The following PJA2 variants were observed in gnomAD, a reference collection of about 807,000 sequenced individuals.
The protein encoded by PJA2 is praja ring finger ubiquitin ligase 2, also known as E3 ubiquitin-protein ligase Praja-2.
PJA2 carries 25 observed loss-of-function variants against 69.3 expected under a neutral mutation model. That is an observed-to-expected ratio of 0.36 (90% CI 0.26 to 0.50). The LOEUF (loss-of-function observed/expected upper bound fraction) is 0.50. PJA2 is among the 20% of genes least tolerant of loss of function. The pLI is 0.96. For synonymous variants in PJA2, 308 were observed against 277.8 expected, an observed-to-expected ratio of 1.11 and a Z score of -1.08; for missense variants, 809 against 830.2, an observed-to-expected ratio of 0.97 and a Z score of 0.31.
At chr5:109,392,117 T>C (rs781414645) in intron 1 of PJA2, among the ~76,000 whole-genome samples, 1 of 151,730 alleles carries the variant, frequency 6.6e-6, no homozygotes, top group South Asian at 2.1e-4. Context: ...TAAATAGGAG[T>C]GTAAATGGCC....
chr5:109,359,342 CT>C (rs2126997063), intron 6 of PJA2, among the ~76,000 whole-genome samples: 1 of 152,274 alleles, frequency 6.6e-6, no homozygotes, highest in East Asian at 1.9e-4. Context: ...AAAAGTTACG[CT>C]TGGATTTTCT....
In PJA2 at chr5:109,375,450, G is replaced by T. The variant is rs548526738; in HGVS notation, c.1283+2754C>A. Among the ~76,000 whole-genome samples, 6 of 152,200 alleles carry T rather than the reference G, an allele frequency of 3.9e-5. 1 individual carries two copies. Among genetic ancestry groups the T allele is most frequent in the Middle Eastern group, 3.4e-3 (1 of 294 alleles). ...TTGAACCTAGGAGGCAGAGGTTGCA[G>T]CGAGCCGAGATCACGCCACTGCACT... On this transcript the variant is annotated intron_variant, in intron 4 of 9. Transcript: ENST00000361189.
At chr5:109,385,978 T>A (rs1156460290) in intron 1 of PJA2, among the ~76,000 whole-genome samples, 1 of 152,090 alleles carries the variant, frequency 6.6e-6, no homozygotes, top group African/African-American at 2.4e-5. Context: ...AGTACTGATG[T>A]GTGGAATGTT....
At chr5:109,364,346 G>A (rs150207050) in intron 5 of PJA2, among the ~76,000 whole-genome samples, 4,620 of 151,996 alleles carry the variant, frequency 0.03, 92 homozygotes, top group Middle Eastern at 0.048. Flanking sequence ...AGTGTCGGCC[G>A]GGCGCGGTGG....
chr5:109,364,989 GAAGCTCTGAAGA>G (rs1477477873), intron 5 of PJA2, among the ~76,000 whole-genome samples: 2 of 152,164 alleles, frequency 1.3e-5, no homozygotes, highest in Non-Finnish European at 2.9e-5. Flanking sequence ...GTGTGTTGGT[GAAGCTCTGAAGA>G]AAGCTTTGAA....
At chr5:109,403,058 TA>T (rs917934549) in intron 1 of PJA2, among the ~76,000 whole-genome samples, 8 of 148,628 alleles carry the variant, frequency 5.4e-5, no homozygotes, top group East Asian at 2.0e-4. Flanking sequence ...AACTAACAAT[TA>T]AAAAAAAAGC....
Position 109,379,025 on chromosome 5 carries a change from T to C in PJA2, c.462A>G (p.Ser154=), listed in dbSNP as rs867531873. ...GEYIPGACSA[S]SVQNGIALVH... ...CCAATGCAATTCCATTTTGGACACT[T>C]GAAGCACTACAAGCTCCTGGAATAT... is the stretch of plus-strand genomic sequence containing the variant. The change falls in exon 4 of 10, where the codon TCA becomes TCG. Residue 154 remains serine (S), a synonymous_variant. Transcript: ENST00000361189. 6.2e-7 allele frequency: 1 copy of C among 1,614,050 alleles called. No individual in the cohort carries two copies. The highest frequency in any genetic ancestry group is 1.7e-5 in the Admixed American group (1 of 60,008).
At chr5:109,379,406 G>C (rs1397997215) in intron 3 of PJA2, 152 bp from the exon 4 acceptor site, 1 of 626,994 alleles carries the variant, frequency 1.6e-6, no homozygotes, top group African/African-American at 1.8e-5. Flanking sequence ...CTCCTTAACT[G>C]AGAATGCAGA....
intron 6 of PJA2, among the ~76,000 whole-genome samples, chr5:109,357,146 T>G (rs1313503480): frequency 6.6e-6 from 1 of 152,178 alleles, no homozygotes; most frequent in Non-Finnish European, 1.5e-5. Flanking sequence ...CCTACATTTC[T>G]AGTTGTCTGG....
chr5:109,387,313 TTCTATC>T (rs573405852), intron 1 of PJA2, among the ~76,000 whole-genome samples: 91 of 152,316 alleles, frequency 6.0e-4, no homozygotes, highest in Non-Finnish European at 8.8e-4. Flanking sequence ...GTCTACCACT[TTCTATC>T]TCTAAGTATA....
At chr5:109,341,493 C>A (rs1762056480) in intron 9 of PJA2, among the ~76,000 whole-genome samples, 2 of 141,632 alleles carry the variant, frequency 1.4e-5, no homozygotes, top group Non-Finnish European at 3.2e-5. Context: ...GCAGCCACCC[C>A]ATCTGGGAAG....
intron 4 of PJA2, among the ~76,000 whole-genome samples, chr5:109,370,335 T>A (rs1422786500): frequency 3.3e-5 from 5 of 152,222 alleles, no homozygotes; most frequent in Non-Finnish European, 5.9e-5. Context: ...TTACATTTTT[T>A]AATGATGATT....
intron 1 of PJA2, among the ~76,000 whole-genome samples, chr5:109,405,436 C>T (rs2416210): frequency 0.75 from 113,461 of 152,108 alleles, 43,070 homozygotes; most frequent in African/African-American, 0.84. Context: ...AAAAGCTTTA[C>T]GGTAAAGTTA....
intron 1 of PJA2, among the ~76,000 whole-genome samples, chr5:109,395,034 A>G (rs1316191759): frequency 1.3e-5 from 2 of 152,202 alleles, no homozygotes; most frequent in Non-Finnish European, 2.9e-5. Flanking sequence ...AGAAAGTCAG[A>G]ATATTGTTAA....
chr5:109,337,311 T>C lies in PJA2; in HGVS notation c.2047A>G (p.Ile683Val). The C allele has an allele frequency of 6.2e-7, 1 of 1,613,072 alleles. No homozygotes were observed. The highest frequency in any genetic ancestry group is 8.5e-7 in the Non-Finnish European group (1 of 1,179,726). Residue 683 changes from isoleucine (I) to valine (V), a missense_variant, in exon 10 of 10, where the codon ATT (isoleucine) becomes GTT (valine). Ile to Val is a conservative substitution (Grantham distance 29). This residue lies in a region of PJA2 where 35 missense variants were observed against 37.0 expected (regional missense o/e 0.94). Coordinates refer to ENST00000361189, the MANE Select transcript of PJA2 (RefSeq NM_014819.5). ...VCRRHFPPAV[I>V]EASAAPSSEP... ...GAGGAAGGAGCTGCAGATGCTTCAATAACCGCAGGTGGGAAATGACGGCGG... is the reference window on the plus strand; with the variant it reads ...GAGGAAGGAGCTGCAGATGCTTCAACAACCGCAGGTGGGAAATGACGGCGG...
At position 109,400,875 on chromosome 5, in the gene PJA2, C is replaced by G. The variant is rs570906957; in HGVS notation, c.-88+8967G>C. ...GCGGGTGCCTGTAGCCCCAGTTACT[C>G]AGGAGGCTGAGGCAGGAGACTGGCA... On this transcript the variant is annotated intron_variant, in intron 1 of 9. Coordinates refer to ENST00000361189, the MANE Select transcript of PJA2 (RefSeq NM_014819.5). Among the ~76,000 whole-genome samples the G allele has an allele frequency of 3.9e-5, 6 of 152,164 alleles. No homozygotes were observed. The East Asian group carries it at 1.2e-3, about 29-fold the overall frequency.
intron 9 of PJA2, among the ~76,000 whole-genome samples, chr5:109,339,310 AGAT>A (rs1270296803): frequency 6.6e-6 from 1 of 152,234 alleles, no homozygotes; most frequent in African/African-American, 2.4e-5. Flanking sequence ...GAAGAGGCGA[AGAT>A]GATGAGAAAT....
chr5:109,381,439 T>C (rs1410161507), intron 3 of PJA2, 64 bp downstream of exon 3: 1 of 1,427,868 alleles, frequency 7.0e-7, no homozygotes. Flanking sequence ...CACCCAAAAA[T>C]TTAATTATAA....
intron 9 of PJA2, among the ~76,000 whole-genome samples, chr5:109,341,253 G>A (rs1298664677): frequency 0.026 from 3,514 of 135,536 alleles, no homozygotes; most frequent in African/African-American, 0.076. Context: ...CTGCCCGGCC[G>A]CCCATCCTCT....
Sources: gnomAD v4.1 joint callset for allele counts (sites outside exome capture counted in the v4.1 genomes callset) on GRCh38, gnomAD v4.1.1 for gene constraint, gnomAD v4.1.1 regional missense constraint, MANE v1.5 for transcripts, NCBI Gene and HGNC (gene_info 2026-07-23, HGNC 2026-07-21) for gene names.